TTC34: variants seen among roughly 807,000 people sequenced by gnomAD.
The protein encoded by TTC34 is tetratricopeptide repeat protein 34.
TTC34 carries 44 observed loss-of-function variants against 40.7 expected under a neutral mutation model. That is an observed-to-expected ratio of 1.08 (90% CI 0.85 to 1.39). The LOEUF (loss-of-function observed/expected upper bound fraction) is 1.39. TTC34 is among the 40% of genes most tolerant of loss of function. The pLI is 0.00. For missense variants in TTC34, 884 were observed against 838.0 expected, an observed-to-expected ratio of 1.05 and a Z score of -0.68; for synonymous variants, 422 against 398.6, an observed-to-expected ratio of 1.06 and a Z score of -0.70.
At chr1:2,686,377 G>GAC (rs1640347505) in intron 6 of TTC34, among the ~76,000 whole-genome samples, 1 of 149,942 alleles carries the variant, frequency 6.7e-6, no homozygotes, top group Non-Finnish European at 1.5e-5. Flanking sequence ...GTGCGCATGT[G>GAC]ATGGTCTGGA....
chr1:2,674,795 C>T (rs1484193229), intron 6 of TTC34, among the ~76,000 whole-genome samples: 2 of 90,520 alleles, frequency 2.2e-5, no homozygotes, highest in South Asian at 3.3e-4. Context: ...GGAGCAGCAC[C>T]CACAACCCCA....
intron 6 of TTC34, among the ~76,000 whole-genome samples, chr1:2,653,295 T>G (rs56062029): frequency 0.098 from 12,050 of 122,884 alleles, no homozygotes; most frequent in South Asian, 0.18. Context: ...CACCCCCAGG[T>G]GAGCATCTGA....
exon 2 of TTC34, chr1:2,800,521 C>T (rs973920599): frequency 2.8e-5 from 11 of 398,466 alleles, no homozygotes; most frequent in South Asian, 2.5e-4. Flanking sequence ...AGGATGGCGG[C>T]GGGGTGGTCC....
At chr1:2,655,601 C>G in intron 6 of TTC34, among the ~76,000 whole-genome samples, 1 of 149,276 alleles carries the variant, frequency 6.7e-6, no homozygotes, top group South Asian at 2.1e-4. Flanking sequence ...CAGCCTGGAA[C>G]AGCACGCTGC....
intron 6 of TTC34, among the ~76,000 whole-genome samples, chr1:2,779,279 T>G (rs749711208): frequency 3.3e-5 from 5 of 152,292 alleles, no homozygotes; most frequent in Admixed American, 2.0e-4. Context: ...TTATTTTGGA[T>G]GTAGACCCAG....
chr1:2,800,198 G>A (rs944863861), exon 2 of TTC34: 9 of 398,454 alleles, frequency 2.3e-5, no homozygotes, highest in African/African-American at 4.1e-5. Flanking sequence ...GCTGGCCACC[G>A]GTCTCCTGCT....
At chr1:2,789,925 G>C in exon 3 of TTC34, 1 of 394,978 alleles carries the variant, frequency 2.5e-6, no homozygotes, top group Non-Finnish European at 4.5e-6. Flanking sequence ...GGTCCTCAGG[G>C]CGTGCGGGCC....
At chr1:2,683,291 G>A (rs1425038977) in intron 6 of TTC34, among the ~76,000 whole-genome samples, 3 of 149,868 alleles carry the variant, frequency 2.0e-5, no homozygotes, top group Non-Finnish European at 3.0e-5. Flanking sequence ...GCATCTGACA[G>A]CCTGGAACAG....
chr1:2,641,662 A>G lies in TTC34; in HGVS notation c.2946T>C (p.Arg982=), dbSNP rs962937368. The stretch of plus-strand genomic sequence containing the variant: ...CCAGGCTCAGCAGCAGGCGACCCTG[A>G]CGGCAGAAGTCCTCTGCCCGCCTTG... Residue 982 remains arginine (R), a synonymous_variant, in exon 9 of 9, where the codon CGT becomes CGC. Transcript: ENST00000401095. The G allele has an allele frequency of 5.9e-6, 9 of 1,535,258 alleles. No individual in the cohort carries two copies. In the African/African-American group the frequency reaches 1.2e-4, roughly 21 times the overall value.
intron 6 of TTC34, among the ~76,000 whole-genome samples, chr1:2,650,381 C>A (rs890225441): frequency 3.9e-5 from 6 of 151,996 alleles, no homozygotes; most frequent in Non-Finnish European, 7.4e-5. Context: ...ACTCTACATC[C>A]CCAGGTGAGC....
At chr1:2,799,550 A>G (rs947895583) in intron 2 of TTC34, among the ~76,000 whole-genome samples, 15 of 152,152 alleles carry the variant, frequency 9.9e-5, no homozygotes, top group African/African-American at 3.6e-4. Context: ...TCTCAAAAAA[A>G]AAAATGCAGC....
At chr1:2,687,395 G>C (rs924940720) in intron 6 of TTC34, among the ~76,000 whole-genome samples, 2 of 23,548 alleles carry the variant, frequency 8.5e-5, no homozygotes, top group African/African-American at 2.1e-4. Flanking sequence ...AGCCTGGAAC[G>C]GCACCCACAC....
At chr1:2,695,827 C>CCTGGAGCAGAACCCACACCCCCAGGCG (rs1557626185) in intron 6 of TTC34, among the ~76,000 whole-genome samples, 2 of 151,018 alleles carry the variant, frequency 1.3e-5, no homozygotes, top group Non-Finnish European at 3.0e-5. Flanking sequence ...CCTGGAACAG[C>CCTGGAGCAGAACCCACACCCCCAGGCG]ATCCACACCC....
At chr1:2,642,736 A>G (rs371134593) in intron 8 of TTC34, among the ~76,000 whole-genome samples, 1 of 152,146 alleles carries the variant, frequency 6.6e-6, no homozygotes, top group East Asian at 1.9e-4. Flanking sequence ...GCGGTCCTCG[A>G]CGCTACCTCC....
intron 6 of TTC34, among the ~76,000 whole-genome samples, chr1:2,686,523 C>A (rs371084209): frequency 2.1e-5 from 3 of 139,648 alleles, no homozygotes; most frequent in South Asian, 2.2e-4. Flanking sequence ...ACCCTGCACC[C>A]CCAGGGGAGC....
At chr1:2,662,468 A>C (rs1454068831) in intron 6 of TTC34, among the ~76,000 whole-genome samples, 2,220 of 91,126 alleles carry the variant, frequency 0.024, no homozygotes, top group Non-Finnish European at 0.047. Flanking sequence ...AGCCTGGAGC[A>C]GTGCCCAAAC....
intron 6 of TTC34, among the ~76,000 whole-genome samples, chr1:2,653,326 A>C (rs1639215386): frequency 2.0e-5 from 3 of 149,504 alleles, no homozygotes; most frequent in African/African-American, 4.9e-5. Flanking sequence ...CAGCACACAC[A>C]CCCCCAGGTG....
chr1:2,752,492 A>T (rs1247523595), intron 6 of TTC34, among the ~76,000 whole-genome samples: 7 of 38,496 alleles, frequency 1.8e-4, no homozygotes, highest in Admixed American at 5.3e-4. Flanking sequence ...GCACCCACAC[A>T]GCCAGGTGAG....
chr1:2,682,436 T>C (rs6678190), intron 6 of TTC34, among the ~76,000 whole-genome samples: 13 of 54,890 alleles, frequency 2.4e-4, no homozygotes, highest in African/African-American at 4.1e-4. Flanking sequence ...CACCCCCAGG[T>C]GAGCATCTGA....
Sources: gnomAD v4.1 joint callset for allele counts (sites outside exome capture counted in the v4.1 genomes callset) on GRCh38, gnomAD v4.1.1 for gene constraint, MANE v1.5 for transcripts, NCBI Gene and HGNC (gene_info 2026-07-23, HGNC 2026-07-21) for gene names.